Variants in DPY19L2 observed in about 807,000 individuals in gnomAD.
DPY19L2 encodes probable C-mannosyltransferase DPY19L2.
Under a neutral mutation model 97.9 loss-of-function variants are expected in DPY19L2, and 34 were observed. That is an observed-to-expected ratio of 0.35 (90% CI 0.26 to 0.46). The LOEUF (loss-of-function observed/expected upper bound fraction) is 0.46. DPY19L2 is among the 20% of genes least tolerant of loss of function. The probability of loss-of-function intolerance (pLI) is 1.00; values close to 1 mark genes in which losing one functional copy is unlikely to be tolerated. For synonymous variants in DPY19L2, 230 were observed against 307.9 expected (o/e 0.75, Z 2.65); for missense variants, 623 against 911.4 (o/e 0.68, Z 4.07).
intron 14 of DPY19L2, among the ~76,000 whole-genome samples, chr12:63,597,298 G>C (rs1186215990): frequency 6.6e-6 from 1 of 151,966 alleles, no homozygotes; most frequent in Admixed American, 6.6e-5. Flanking sequence ...TTTATAACAT[G>C]AAGTTTTTAA....
chr12:63,642,610 C>T (rs1054516872), intron 6 of DPY19L2, among the ~76,000 whole-genome samples: 5 of 152,124 alleles, frequency 3.3e-5, no homozygotes, highest in South Asian at 4.1e-4. Context: ...ATATCAAATG[C>T]CTTTAAATGT....
At chr12:63,571,938 T>TA (rs1337798669) in intron 19 of DPY19L2, among the ~76,000 whole-genome samples, 8 of 152,124 alleles carry the variant, frequency 5.3e-5, no homozygotes, top group African/African-American at 1.9e-4. Flanking sequence ...AGATCTACTA[T>TA]AAAAAACTAC....
chr12:63,560,615 T>A lies in DPY19L2; in HGVS notation c.2174A>T (p.Asn725Ile). 1.2e-6 allele frequency: 2 copies of A among 1,614,052 alleles called. No homozygotes were observed. The highest frequency in any genetic ancestry group is 2.2e-5 in the East Asian group (1 of 44,858). The change falls in exon 22 of 22, where the codon AAT becomes ATT. Residue 725 changes from asparagine (N) to isoleucine (I), a missense_variant. Transcript: ENST00000324472. Reference sequence around the variant, plus strand: ...GCTACATAAGGGAGGGTTAGCTGCATTGGAAGGGTCTTCCACATCCCAGAT... The same window carrying A: ...GCTACATAAGGGAGGGTTAGCTGCAATGGAAGGGTCTTCCACATCCCAGAT... ...LEIWDVEDPS[N>I]AANPPLCSVL...
chr12:63,637,892 A>T (rs1012460228), intron 6 of DPY19L2, among the ~76,000 whole-genome samples: 4 of 152,288 alleles, frequency 2.6e-5, no homozygotes, highest in South Asian at 2.1e-4. Flanking sequence ...AAGGCCTGGC[A>T]GAGACACAAC....
intron 12 of DPY19L2, among the ~76,000 whole-genome samples, chr12:63,605,534 T>C (rs1368877817): frequency 6.6e-6 from 1 of 152,090 alleles, no homozygotes; most frequent in Admixed American, 6.5e-5. Flanking sequence ...CACACACACG[T>C]GTGCACACAC....
chr12:63,664,102 C>T (rs1195383357), intron 2 of DPY19L2, among the ~76,000 whole-genome samples: 3 of 151,984 alleles, frequency 2.0e-5, no homozygotes, highest in South Asian at 4.1e-4. Context: ...TTTGGGAGCC[C>T]GAGGCAGGCA....
At chr12:63,634,085 G>T (rs2137986009) in intron 6 of DPY19L2, among the ~76,000 whole-genome samples, 1 of 143,572 alleles carries the variant, frequency 7.0e-6, no homozygotes, top group Admixed American at 6.9e-5. Flanking sequence ...AAGGGGGAGG[G>T]ATAGCATTTG....
intron 21 of DPY19L2, among the ~76,000 whole-genome samples, chr12:63,563,072 C>T (rs984659623): frequency 7.1e-6 from 1 of 139,996 alleles, no homozygotes; most frequent in African/African-American, 2.9e-5. Flanking sequence ...CCTGGGATTA[C>T]AGGCGTGAGC....
At chr12:63,664,449 T>C (rs567541823) in intron 2 of DPY19L2, among the ~76,000 whole-genome samples, 1 of 152,138 alleles carries the variant, frequency 6.6e-6, no homozygotes, top group East Asian at 1.9e-4. Flanking sequence ...GGCAGGTTAG[T>C]GTTTGTTTTT....
intron 19 of DPY19L2, among the ~76,000 whole-genome samples, chr12:63,576,924 T>G (rs139352152): frequency 2.0e-5 from 3 of 151,568 alleles, no homozygotes; most frequent in Non-Finnish European, 3.0e-5. Flanking sequence ...CTCACAGAGA[T>G]AGAAAAAACT....
At chr12:63,601,771 G>A (rs1219406746) in intron 12 of DPY19L2, among the ~76,000 whole-genome samples, 1 of 152,064 alleles carries the variant, frequency 6.6e-6, no homozygotes, top group Admixed American at 6.5e-5. Flanking sequence ...ATTATTTCTG[G>A]AAAGGAAGGA....
intron 6 of DPY19L2, among the ~76,000 whole-genome samples, chr12:63,642,461 T>C (rs1265728743): frequency 1.3e-5 from 2 of 152,124 alleles, no homozygotes; most frequent in Admixed American, 1.3e-4. Context: ...TCTTTCATAT[T>C]TGAGTGTTTA....
At chr12:63,634,081 G>T (rs989687871) in intron 6 of DPY19L2, among the ~76,000 whole-genome samples, 2 of 145,798 alleles carry the variant, frequency 1.4e-5, no homozygotes, top group African/African-American at 2.5e-5. Context: ...GGGGAAGGGG[G>T]AGGGATAGCA....
At chr12:63,612,316 C>G (rs1592567156) in intron 11 of DPY19L2, among the ~76,000 whole-genome samples, 1 of 151,680 alleles carries the variant, frequency 6.6e-6, no homozygotes, top group Non-Finnish European at 1.5e-5. Flanking sequence ...GTAAAATGCA[C>G]CGAAAATGGT....
intron 6 of DPY19L2, among the ~76,000 whole-genome samples, chr12:63,634,193 C>T (rs1157575074): frequency 6.6e-6 from 1 of 152,012 alleles, no homozygotes; most frequent in South Asian, 2.1e-4. Flanking sequence ...TGCACATGTA[C>T]CCTAAATTTT....
At chr12:63,627,730 G>A (rs1362951784) in intron 6 of DPY19L2, among the ~76,000 whole-genome samples, 22 of 152,250 alleles carry the variant, frequency 1.4e-4, no homozygotes, top group East Asian at 3.9e-4. Context: ...TCTGTGTAGC[G>A]TTTCTATGCT....
intron 6 of DPY19L2, among the ~76,000 whole-genome samples, chr12:63,636,263 A>T (rs1157145100): frequency 6.6e-6 from 1 of 152,156 alleles, no homozygotes; most frequent in Non-Finnish European, 1.5e-5. Context: ...GCCTTACAAG[A>T]GCTCCTGAAG....
At chr12:63,627,451 G>A (rs546159970) in intron 6 of DPY19L2, among the ~76,000 whole-genome samples, 1 of 152,108 alleles carries the variant, frequency 6.6e-6, no homozygotes, top group East Asian at 1.9e-4. Context: ...CCTGGTTCAA[G>A]CCGATTCTTC....
At chr12:63,625,107 T>A (rs554493719) in intron 7 of DPY19L2, among the ~76,000 whole-genome samples, 1 of 152,170 alleles carries the variant, frequency 6.6e-6, no homozygotes, top group South Asian at 2.1e-4. Flanking sequence ...TAAAAGTACT[T>A]CTACCCTGGC....
Sources: gnomAD v4.1 joint callset for allele counts (sites outside exome capture counted in the v4.1 genomes callset) on GRCh38, gnomAD v4.1.1 for gene constraint, MANE v1.5 for transcripts, NCBI Gene and HGNC (gene_info 2026-07-23, HGNC 2026-07-21) for gene names.